IFT56: variants seen among roughly 807,000 people sequenced by gnomAD.
IFT56 encodes intraflagellar transport protein 56.
the IFT56 span, among the ~76,000 whole-genome samples, chr7:139,185,243 G>A: frequency 0.016 from 2,495 of 151,882 alleles, 109 homozygotes; most frequent in African/African-American, 0.057. Context: ...TTGTATGGCT[G>A]TGGTTACGTG....
At chr7:139,181,720 T>C in the IFT56 span, among the ~76,000 whole-genome samples, 1 of 152,238 alleles carries the variant, frequency 6.6e-6, no homozygotes, top group African/African-American at 2.4e-5. Context: ...CTCCCTAGGC[T>C]ACAAACCTGT....
At chr7:139,168,704 CT>C in the IFT56 span, 1 of 352,820 alleles carries the variant, frequency 2.8e-6, no homozygotes, top group Non-Finnish European at 5.4e-6. Context: ...TTTGCAGCGA[CT>C]TTTTTTAAAC....
At chr7:139,175,321 C>G in the IFT56 span, among the ~76,000 whole-genome samples, 1 of 152,082 alleles carries the variant, frequency 6.6e-6, no homozygotes, top group Non-Finnish European at 1.5e-5. Context: ...GGAAGTTCCT[C>G]AAAACACTAA....
At chr7:139,137,831 C>T in the IFT56 span, 39 of 1,602,090 alleles carry the variant, frequency 2.4e-5, 1 homozygote, top group Middle Eastern at 5.0e-4. Context: ...TTTTTAAATA[C>T]ATTTTTAACC....
chr7:139,166,828 G>T, the IFT56 span: 1 of 1,530,100 alleles, frequency 6.5e-7, no homozygotes, highest in East Asian at 2.3e-5. Context: ...TAATTACTTT[G>T]TTGTATTTCA....
the IFT56 span, chr7:139,181,267 A>G: frequency 8.3e-7 from 1 of 1,211,578 alleles, no homozygotes; most frequent in Non-Finnish European, 1.2e-6. Flanking sequence ...GCTAAATATT[A>G]GGGGAAAATG....
chr7:139,175,931 G>C, the IFT56 span, among the ~76,000 whole-genome samples: 1 of 152,112 alleles, frequency 6.6e-6, no homozygotes, highest in Non-Finnish European at 1.5e-5. Context: ...CCGGGTTCAA[G>C]CAATTCTCCT....
the IFT56 span, among the ~76,000 whole-genome samples, chr7:139,147,624 A>C: frequency 3.3e-5 from 5 of 152,172 alleles, no homozygotes; most frequent in Non-Finnish European, 7.4e-5. Flanking sequence ...TCATCCTCCC[A>C]TTAAGAACCA....
At chr7:139,189,435 T>C in the IFT56 span, 2 of 1,597,498 alleles carry the variant, frequency 1.3e-6, no homozygotes, top group Admixed American at 1.7e-5. Context: ...CCATCTAAAA[T>C]AGCGCCAGCG....
At chr7:139,166,973 A>G in the IFT56 span, 2 of 886,406 alleles carry the variant, frequency 2.3e-6, no homozygotes, top group East Asian at 2.4e-5. Context: ...TGGAAGTCAT[A>G]TTAGAGAAGA....
the IFT56 span, among the ~76,000 whole-genome samples, chr7:139,137,065 C>T: frequency 8.5e-4 from 129 of 152,158 alleles, 1 homozygote; most frequent in East Asian, 0.022. Flanking sequence ...GACTGAGGCA[C>T]CTGAAATTCT....
At chr7:139,173,073 G>A in the IFT56 span, 1 of 732,188 alleles carries the variant, frequency 1.4e-6, no homozygotes, top group Non-Finnish European at 2.5e-6. Context: ...TGCGCCTTTT[G>A]TGGGTGGCTG....
At chr7:139,181,842 A>G in the IFT56 span, among the ~76,000 whole-genome samples, 1 of 152,340 alleles carries the variant, frequency 6.6e-6, no homozygotes, top group South Asian at 2.1e-4. Context: ...TAATATTATG[A>G]TCTTATGGAA....
the IFT56 span, chr7:139,148,199 C>T: frequency 6.2e-7 from 1 of 1,601,860 alleles, no homozygotes; most frequent in South Asian, 1.1e-5. Flanking sequence ...ATTCTTTCAT[C>T]TAATAGGGAA....
the IFT56 span, among the ~76,000 whole-genome samples, chr7:139,151,595 G>A: frequency 6.6e-6 from 1 of 152,132 alleles, no homozygotes; most frequent in East Asian, 1.9e-4. Flanking sequence ...AAATGGTACT[G>A]ACTCATTGTA....
the IFT56 span, chr7:139,168,278 G>T: frequency 1.9e-6 from 2 of 1,031,540 alleles, no homozygotes; most frequent in African/African-American, 1.6e-5. Context: ...TTAATGCAAG[G>T]AGTTAATTTG....
chr7:139,182,087 G>A, the IFT56 span, among the ~76,000 whole-genome samples: 1 of 151,958 alleles, frequency 6.6e-6, no homozygotes, highest in Non-Finnish European at 1.5e-5. Context: ...TGCATGCTGG[G>A]GTGTGTGTGT....
the IFT56 span, among the ~76,000 whole-genome samples, chr7:139,169,810 G>A: frequency 6.6e-6 from 1 of 151,988 alleles, no homozygotes; most frequent in African/African-American, 2.4e-5. Context: ...CAGGAGTTCA[G>A]GACCAGCCTG....
At chr7:139,191,369 C>G in the IFT56 span, 1 of 152,154 alleles carries the variant, frequency 6.6e-6, no homozygotes, top group African/African-American at 2.4e-5. Flanking sequence ...TCTTGTAATT[C>G]TTACCTCACT....
Sources: gnomAD v4.1 joint callset for allele counts (sites outside exome capture counted in the v4.1 genomes callset) on GRCh38, gnomAD v4.1.1 for gene constraint, MANE v1.5 for transcripts, NCBI Gene and HGNC (gene_info 2026-07-23, HGNC 2026-07-21) for gene names.